KIF24: variants seen among roughly 807,000 people sequenced by gnomAD.
KIF24 encodes the protein kinesin-like protein KIF24.
Under a neutral mutation model 118.9 loss-of-function variants are expected in KIF24, and 81 were observed. The observed-to-expected ratio is 0.68, with a 90% confidence interval of 0.57 to 0.82. The LOEUF (loss-of-function observed/expected upper bound fraction) is 0.82, where lower values mean the gene tolerates loss of function less well. Among genes scored for constraint, KIF24 ranks in the 40% least tolerant of loss-of-function variants. KIF24 has a pLI of 0.00. For synonymous variants in KIF24, 599 were observed against 610.0 expected (o/e 0.98, Z 0.27); for missense variants, 1,560 against 1,661.6 (o/e 0.94, Z 1.06).
intron 6 of KIF24, chr9:34,282,491 T>C (rs1289911431): frequency 6.7e-6 from 1 of 149,834 alleles, no homozygotes. Flanking sequence ...AATCACTGAA[T>C]TGTATACTTA....
At chr9:34,313,738 GTT>G (rs5897567) in intron 1 of KIF24, among the ~76,000 whole-genome samples, 84 of 130,356 alleles carry the variant, frequency 6.4e-4, no homozygotes, top group African/African-American at 1.5e-3. Context: ...CCCGTTATCT[GTT>G]TTTTTTTTTT....
intron 10 of KIF24, 26 bp downstream of exon 10, chr9:34,259,570 A>C (rs1834978463): frequency 6.4e-7 from 1 of 1,566,206 alleles, no homozygotes; most frequent in Non-Finnish European, 8.8e-7. Context: ...ACTTACACAC[A>C]ACCTGCCATC....
intron 3 of KIF24, among the ~76,000 whole-genome samples, chr9:34,302,237 ACGGCCT>A (rs1836746413): frequency 2.0e-5 from 3 of 151,848 alleles, no homozygotes. Flanking sequence ...CTTGTGATCC[ACGGCCT>A]CGGCCTCCCA....
rs1460637861 is a variant in KIF24 at position 34,255,133 on chromosome 9, A to G, written c.3905T>C (p.Leu1302Pro). 1.3e-6 allele frequency: 2 copies of G among 1,593,208 alleles called. No homozygotes were observed. The highest frequency in any genetic ancestry group is 2.3e-5 in the South Asian group (2 of 87,422). ...QVVIRAHQEQ[L>P]DEMAELGFKE... ...GAAGCCGAGCTCAGCCATTTCATCC[A>G]GCTGTTCCTGGTGTGCTCGGATGAC... The change falls in exon 12 of 13, where the codon CTG becomes CCG. Residue 1302 changes from leucine to proline, a missense_variant. Physicochemically the swap from Leu to Pro is moderately conservative, Grantham distance 98. Around this residue, in one of 3 missense-constraint regions of KIF24, gnomAD observed 591 missense variants for 655.6 expected, o/e 0.90. Transcript: ENST00000402558.
chr9:34,321,147 T>C (rs1427959738), intron 1 of KIF24, among the ~76,000 whole-genome samples: 1 of 152,212 alleles, frequency 6.6e-6, no homozygotes, highest in East Asian at 1.9e-4. Context: ...ATTCTTATTC[T>C]GTAGGGAGGG....
intron 6 of KIF24, among the ~76,000 whole-genome samples, chr9:34,272,363 G>A (rs1835537836): frequency 6.6e-6 from 1 of 152,226 alleles, no homozygotes; most frequent in South Asian, 2.1e-4. Flanking sequence ...CAGTCATAAA[G>A]GAGGGCAGGC....
chr9:34,305,315 AC>A (rs1836869954), intron 3 of KIF24, among the ~76,000 whole-genome samples: 1 of 152,214 alleles, frequency 6.6e-6, no homozygotes, highest in South Asian at 2.1e-4. Flanking sequence ...GATTTTATTT[AC>A]CCACTGCAAT....
intron 1 of KIF24, among the ~76,000 whole-genome samples, chr9:34,321,718 T>C (rs1015719897): frequency 2.0e-5 from 3 of 151,342 alleles, no homozygotes; most frequent in Non-Finnish European, 2.9e-5. Flanking sequence ...CCAATCCTCC[T>C]GCTTCAGTCT....
chr9:34,287,071 T>TTA (rs1196347668), intron 5 of KIF24, among the ~76,000 whole-genome samples: 39 of 152,188 alleles, frequency 2.6e-4, no homozygotes, highest in Non-Finnish European at 8.8e-5. Context: ...CCTGGTGAAG[T>TTA]GATGCTCTCT....
intron 6 of KIF24, among the ~76,000 whole-genome samples, chr9:34,283,272 A>C (rs1835920163): frequency 6.6e-6 from 1 of 151,462 alleles, no homozygotes; most frequent in Admixed American, 6.6e-5. Flanking sequence ...CAGGAGACTG[A>C]GGTGGGAAGG....
At chr9:34,327,760 A>C (rs1330801406) in intron 1 of KIF24, among the ~76,000 whole-genome samples, 5 of 152,010 alleles carry the variant, frequency 3.3e-5, no homozygotes, top group Admixed American at 3.3e-4. Flanking sequence ...GGCTAGATTC[A>C]GGCGTTCAAG....
rs745726079 is a variant in KIF24 at position 34,311,169 on chromosome 9, T to C, written c.178A>G (p.Ile60Val). ...DRKRLFQLIKIIKIMQEEDKA... is the reference protein window; with the variant it reads ...DRKRLFQLIKVIKIMQEEDKA... ...TCTTCTTCTTGCATAATCTTAATAATTTTGATAAGTTGGAAGAGACGTTTG... is the reference window on the plus strand; with the variant it reads ...TCTTCTTCTTGCATAATCTTAATAACTTTGATAAGTTGGAAGAGACGTTTG... The change falls in exon 2 of 13, where the codon ATT (isoleucine) becomes GTT (valine). Residue 60 changes from isoleucine to valine, a missense_variant. Ile to Val is a conservative substitution (Grantham distance 29). Around this residue, in one of 3 missense-constraint regions of KIF24, gnomAD observed 964 missense variants for 988.0 expected, o/e 0.98. Transcript: ENST00000402558. The C allele has an allele frequency of 6.2e-7, 1 of 1,613,560 alleles. No individual in the cohort carries two copies. The highest frequency in any genetic ancestry group is 8.5e-7 in the Non-Finnish European group (1 of 1,179,582).
In KIF24 at chr9:34,306,251, C is replaced by G. The variant is rs773476535; in HGVS notation, c.813+1G>C. 1.3e-6 allele frequency: 2 copies of G among 1,572,308 alleles called. No homozygotes were observed. The highest frequency in any genetic ancestry group is 3.8e-5 in the Admixed American group (2 of 53,050). On this transcript the variant is annotated splice_donor_variant, in intron 3 of 12. Transcript: ENST00000402558. LOFTEE classifies it high-confidence loss of function. ...CCAAACATAAAACGAAAACATCATA[C>G]CTGCAGAATATATTGAGTGAGGTCA...
intron 6 of KIF24, among the ~76,000 whole-genome samples, chr9:34,275,533 T>G (rs1488409743): frequency 4.6e-5 from 7 of 151,532 alleles, no homozygotes; most frequent in Non-Finnish European, 7.4e-5. Flanking sequence ...AGACCTCATC[T>G]CTACAAATTA....
At chr9:34,277,141 T>C (rs891880410) in intron 6 of KIF24, among the ~76,000 whole-genome samples, 1 of 152,194 alleles carries the variant, frequency 6.6e-6, no homozygotes, top group Non-Finnish European at 1.5e-5. Flanking sequence ...GAAGAGAATA[T>C]ATATCTCTCA....
In KIF24 at chr9:34,321,633, G is replaced by T. The variant is rs187592324; in HGVS notation, c.-26+7473C>A. ...TTTTTTTTTTTTTTTTAGAGAAAGC[G>T]TCTCACTCTGTCGCCCAGGCTGGAG... On this transcript the variant is annotated intron_variant, in intron 1 of 12. Coordinates refer to ENST00000402558, the MANE Select transcript of KIF24 (RefSeq NM_194313.4). Among the ~76,000 whole-genome samples, 7 of 127,902 alleles carry T rather than the reference G, an allele frequency of 5.5e-5. No homozygotes were observed. The East Asian group carries it at 1.4e-3, about 26-fold the overall frequency. The allele number at this position is 127,902 out of a possible 152,430, so 83.9% of individuals were successfully genotyped here.
At chr9:34,294,504 C>T (rs993697432) in intron 4 of KIF24, among the ~76,000 whole-genome samples, 1 of 151,710 alleles carries the variant, frequency 6.6e-6, no homozygotes, top group African/African-American at 2.4e-5. Context: ...GCTGAGATCG[C>T]ACCATTGCAC....
intron 8 of KIF24, among the ~76,000 whole-genome samples, chr9:34,267,819 C>T (rs778145783): frequency 1.6e-4 from 25 of 152,128 alleles, no homozygotes; most frequent in African/African-American, 5.1e-4. Flanking sequence ...GTGAACAACA[C>T]GGCTATAGAG....
intron 8 of KIF24, among the ~76,000 whole-genome samples, chr9:34,268,015 C>A (rs112248573): frequency 1.3e-5 from 2 of 152,104 alleles, no homozygotes; most frequent in African/African-American, 4.8e-5. Flanking sequence ...ATTTTATTGG[C>A]ACCTTGATTT....
Sources: gnomAD v4.1 joint callset for allele counts (sites outside exome capture counted in the v4.1 genomes callset) on GRCh38, gnomAD v4.1.1 for gene constraint, gnomAD v4.1.1 regional missense constraint, MANE v1.5 for transcripts, NCBI Gene and HGNC (gene_info 2026-07-23, HGNC 2026-07-21) for gene names.